SREK1: variants seen among roughly 807,000 people sequenced by gnomAD.
SREK1 encodes the protein splicing regulatory glutamic acid and lysine rich protein 1.
Under a neutral mutation model 66.5 loss-of-function variants are expected in SREK1, and 13 were observed. The ratio of observed to expected loss-of-function variants is 0.20; its 90% confidence interval spans 0.13 to 0.31. The LOEUF (loss-of-function observed/expected upper bound fraction) is 0.31. Among genes scored for constraint, SREK1 ranks in the 10% least tolerant of loss-of-function variants. The probability of loss-of-function intolerance (pLI) is 1.00; values close to 1 mark genes in which losing one functional copy is unlikely to be tolerated. For missense variants in SREK1, 607 were observed against 769.6 expected (o/e 0.79, Z 2.50); for synonymous variants, 265 against 263.5 (o/e 1.01, Z -0.05).
intron 5 of SREK1, chr5:66,162,844 G>A (rs572548523): frequency 9.0e-5 from 29 of 320,976 alleles, no homozygotes; most frequent in African/African-American, 5.8e-4. Flanking sequence ...TATATACCCT[G>A]CATAACGGTT....
chr5:66,177,020 A>G (rs1746107855), intron 10 of SREK1, among the ~76,000 whole-genome samples: 1 of 152,120 alleles, frequency 6.6e-6, no homozygotes, highest in Admixed American at 6.6e-5. Context: ...AGGAAAGTCA[A>G]AACTTTTCTC....
In SREK1 at chr5:66,180,224, T is replaced by C. The variant is rs1746390916; in HGVS notation, c.*1356T>C. 6.6e-6 allele frequency: 1 copy of C among 152,536 alleles called. No homozygotes were observed. Among genetic ancestry groups the C allele is most frequent in the African/African-American group, 2.4e-5 (1 of 41,438 alleles). 9.4% of individuals were successfully genotyped at this position (152,536 alleles called of 1,614,324 possible). On this transcript the variant is annotated 3_prime_UTR_variant, in exon 12 of 12. Coordinates refer to ENST00000334121, the MANE Select transcript of SREK1 (RefSeq NM_001077199.3). Reference sequence around the variant, plus strand: ...TCACTTTTTACAGAAAGTATGCAAATAGTAAAGTGACAGCACTGCTAATGT... The same window carrying C: ...TCACTTTTTACAGAAAGTATGCAAACAGTAAAGTGACAGCACTGCTAATGT...
chr5:66,160,537 T>C (rs1448749046), intron 3 of SREK1, among the ~76,000 whole-genome samples: 1 of 152,132 alleles, frequency 6.6e-6, no homozygotes, highest in Non-Finnish European at 1.5e-5. Flanking sequence ...TGTTTGAGAT[T>C]GGAGGGGATA....
At position 66,179,987 on chromosome 5, in the gene SREK1, T is replaced by C. The variant is rs1436790824; in HGVS notation, c.*1119T>C. 6.6e-6 allele frequency: 1 copy of C among 152,586 alleles called. No homozygotes were observed. The highest frequency in any genetic ancestry group is 1.5e-5 in the Non-Finnish European group (1 of 67,992). 9.5% of individuals were successfully genotyped at this position (152,586 alleles called of 1,614,324 possible). On this transcript the variant is annotated 3_prime_UTR_variant, in exon 12 of 12. Transcript: ENST00000334121. Reference sequence around the variant, plus strand: ...GACCATCAGTTTTATACTGTGATAATTGAAAATGAAACATGTTCTTATTTT... The same window carrying C: ...GACCATCAGTTTTATACTGTGATAACTGAAAATGAAACATGTTCTTATTTT...
intron 1 of SREK1, among the ~76,000 whole-genome samples, chr5:66,147,108 A>G (rs1743307359): frequency 1.3e-5 from 2 of 152,324 alleles, no homozygotes; most frequent in South Asian, 4.1e-4. Context: ...TTCAGATTTT[A>G]AATTTAATTC....
At chr5:66,170,299 A>G in intron 8 of SREK1, 129 bp downstream of exon 8, 1 of 1,241,630 alleles carries the variant, frequency 8.1e-7, no homozygotes, top group Non-Finnish European at 1.1e-6. Flanking sequence ...AGAGAAATTA[A>G]ACCTTTTTTA....
Position 66,151,591 on chromosome 5 carries a change from A to G in SREK1, c.162-1872A>G, listed in dbSNP as rs143614475. On this transcript the variant is annotated intron_variant, in intron 1 of 11. Coordinates refer to ENST00000334121, the MANE Select transcript of SREK1 (RefSeq NM_001077199.3). ...ACTTACTTAGTGACCATCAAGGTGT[A>G]ATATTCCAGCAGGCACTTGTACCTG... Among the ~76,000 whole-genome samples the G allele has an allele frequency of 2.5e-3, 386 of 152,250 alleles. 4 individuals carry two copies. Among genetic ancestry groups the G allele is most frequent in the African/African-American group, 9.0e-3 (372 of 41,540 alleles).
chr5:66,152,362 T>A (rs1282933895), intron 1 of SREK1, among the ~76,000 whole-genome samples: 1 of 152,212 alleles, frequency 6.6e-6, no homozygotes, highest in Non-Finnish European at 1.5e-5. Flanking sequence ...GAAATCTGGA[T>A]TTTTGGATTT....
chr5:66,156,521 T>G (rs1182098291), intron 2 of SREK1: 2 of 988,586 alleles, frequency 2.0e-6, no homozygotes, highest in African/African-American at 1.7e-5. Context: ...CTTGAAACAT[T>G]AAAACACTGA....
chr5:66,147,493 A>G (rs909844210), intron 1 of SREK1, among the ~76,000 whole-genome samples: 2 of 152,208 alleles, frequency 1.3e-5, no homozygotes, highest in Non-Finnish European at 2.9e-5. Context: ...GCACCCTGTA[A>G]GTTCCCCGTG....
intron 5 of SREK1, 130 bp from the exon 6 acceptor site, chr5:66,163,662 A>T (rs1283278106): frequency 4.6e-6 from 4 of 868,850 alleles, no homozygotes; most frequent in Non-Finnish European, 6.5e-6. Context: ...GCTTTTGGTT[A>T]TTCTGTATAT....
intron 6 of SREK1, chr5:66,164,143 C>A: frequency 2.1e-6 from 1 of 468,420 alleles, no homozygotes; most frequent in South Asian, 3.2e-5. Flanking sequence ...CTGAGCTAAT[C>A]AGCTCTGTAT....
In SREK1 at chr5:66,181,699, G is replaced by A. The variant is rs1327692751; in HGVS notation, c.*2831G>A. 1 of 152,034 alleles carries A rather than the reference G, an allele frequency of 6.6e-6. No homozygotes were observed. The highest frequency in any genetic ancestry group is 1.5e-5 in the Non-Finnish European group (1 of 68,020). The allele number at this position is 152,034 out of a possible 1,614,324, so 9.4% of individuals were successfully genotyped here. ...CAAAACTTTTAAATCCTGAAGTTCTGCAGTTATCATCTTAGTTATTTTCTA... is the reference window on the plus strand; with the variant it reads ...CAAAACTTTTAAATCCTGAAGTTCTACAGTTATCATCTTAGTTATTTTCTA... On this transcript the variant is annotated 3_prime_UTR_variant, in exon 12 of 12. Transcript: ENST00000334121.
chr5:66,166,119 G>T, intron 7 of SREK1: 1 of 152,424 alleles, frequency 6.6e-6, no homozygotes, highest in African/African-American at 2.4e-5. Context: ...TGCAGCAGAG[G>T]CCAGAATCAG....
intron 7 of SREK1, chr5:66,165,496 C>G (rs1561507646): frequency 6.6e-6 from 1 of 152,212 alleles, no homozygotes; most frequent in Admixed American, 6.5e-5. Context: ...CTCTGTTTAT[C>G]TTATTTTTGA....
intron 2 of SREK1, chr5:66,156,990 A>T: frequency 1.0e-6 from 1 of 985,250 alleles, no homozygotes; most frequent in Non-Finnish European, 1.2e-6. Flanking sequence ...TTATACTTTT[A>T]TAAGCTCTGT....
At chr5:66,150,817 A>C (rs907239686) in intron 1 of SREK1, among the ~76,000 whole-genome samples, 5 of 152,162 alleles carry the variant, frequency 3.3e-5, no homozygotes, top group African/African-American at 1.2e-4. Context: ...TTTGGAAATA[A>C]CTTCAGATCT....
At position 66,162,467 on chromosome 5, in the gene SREK1, G is replaced by A; in HGVS notation, c.630G>A (p.Lys210=). 2 of 1,614,130 alleles carry A rather than the reference G, an allele frequency of 1.2e-6. No homozygotes were observed. The highest frequency in any genetic ancestry group is 2.2e-5 in the East Asian group (1 of 44,880). ...TTTTTAAACAAGTTGGAGAAGTGAA[G>A]TTTGTGCGGATGGCAGGTGATGAGA... ...LEFFKQVGEV[K]FVRMAGDETQ... Residue 210 remains lysine (K), a synonymous_variant, in exon 5 of 12, where the codon AAG becomes AAA. Transcript: ENST00000334121.
In SREK1 at chr5:66,181,109, A is replaced by ATATTTAT. The variant is rs1349788367; in HGVS notation, c.*2244_*2250dup. The ATATTTAT allele has an allele frequency of 3.3e-5, 5 of 152,228 alleles. No individual in the cohort carries two copies. The highest frequency in any genetic ancestry group is 7.3e-5 in the Non-Finnish European group (5 of 68,030). 9.4% of individuals were successfully genotyped at this position (152,228 alleles called of 1,614,324 possible). On this transcript the variant is annotated 3_prime_UTR_variant, in exon 12 of 12. Transcript: ENST00000334121. ...TTGCTGCTAATTATTTTCTCTGCTG[A>ATATTTAT]TATTTATTAAGCTTTAAAATAATCG...
Sources: gnomAD v4.1 joint callset for allele counts (sites outside exome capture counted in the v4.1 genomes callset) on GRCh38, gnomAD v4.1.1 for gene constraint, MANE v1.5 for transcripts, NCBI Gene and HGNC (gene_info 2026-07-23, HGNC 2026-07-21) for gene names.